The following ACOT11 variants were observed in gnomAD, a reference collection of about 807,000 sequenced individuals.
The protein encoded by ACOT11 is acyl-coenzyme A thioesterase 11.
ACOT11 carries 69 observed loss-of-function variants against 77.5 expected under a neutral mutation model. The observed-to-expected ratio is 0.89, with a 90% CI of 0.73 to 1.09. The LOEUF is 1.09. Ranked by LOEUF, ACOT11 falls within the 50% of genes least tolerant of loss-of-function variation. ACOT11 has a pLI of 0.00. For missense variants in ACOT11, 766 were observed against 813.7 expected, an observed-to-expected ratio of 0.94 and a Z score of 0.71; for synonymous variants, 279 against 313.0, an observed-to-expected ratio of 0.89 and a Z score of 1.15.
At position 54,548,278 on chromosome 1, in the gene ACOT11, G is replaced by C. The variant is rs1179710657; in HGVS notation, c.-32G>C. On this transcript the variant is annotated 5_prime_UTR_variant, in exon 1 of 16. Coordinates refer to ENST00000343744, the MANE Select transcript of ACOT11 (RefSeq NM_147161.4). ...TCAGGTGACCAGCTTGTGTCTCTGG[G>C]AGGGCGCTGCTTTCCCCGGCCACCC... 6.3e-7 allele frequency: 1 copy of C among 1,583,990 alleles called. No individual in the cohort carries two copies. Among genetic ancestry groups the C allele is most frequent in the Admixed American group, 1.8e-5 (1 of 55,516 alleles).
At chr1:54,631,419 T>TA (rs1445082224) in intron 16 of ACOT11, among the ~76,000 whole-genome samples, 1 of 152,138 alleles carries the variant, frequency 6.6e-6, no homozygotes, top group Non-Finnish European at 1.5e-5. Context: ...TAAAGAATGT[T>TA]ACTGTTTCCA....
At chr1:54,555,566 G>T (rs907235618) in intron 1 of ACOT11, among the ~76,000 whole-genome samples, 1 of 152,082 alleles carries the variant, frequency 6.6e-6, no homozygotes, top group African/African-American at 2.4e-5. Context: ...TTGCTGTGCA[G>T]AAGTGTTTTG....
intron 8 of ACOT11, 99 bp from the exon 9 acceptor site, chr1:54,601,160 TGTGTGTGGGC>T (rs1643958413): frequency 1.5e-6 from 2 of 1,332,486 alleles, no homozygotes; most frequent in South Asian, 1.3e-5. Flanking sequence ...TGTGCATGCA[TGTGTGTGGGC>T]GCATGTGTGC....
intron 8 of ACOT11, among the ~76,000 whole-genome samples, chr1:54,599,853 C>T (rs573359654): frequency 1.3e-5 from 2 of 152,370 alleles, no homozygotes; most frequent in South Asian, 4.1e-4. Flanking sequence ...AATTCTGAAA[C>T]CTACTCCCAT....
intron 1 of ACOT11, among the ~76,000 whole-genome samples, chr1:54,566,085 C>T (rs957562340): frequency 6.6e-6 from 1 of 152,186 alleles, no homozygotes; most frequent in Admixed American, 6.5e-5. Flanking sequence ...GCCAGACTCT[C>T]CTGGGGTCCT....
chr1:54,609,220 G>T lies in ACOT11; in HGVS notation c.*108G>T. The T allele has an allele frequency of 6.3e-7, 1 of 1,590,340 alleles. No homozygotes were observed. Among genetic ancestry groups the T allele is most frequent in the South Asian group, 1.1e-5 (1 of 87,006 alleles). On this transcript the variant is annotated 3_prime_UTR_variant, in exon 16 of 16. Transcript: ENST00000343744. Reference sequence around the variant, plus strand: ...GACCTTTATTTCTTCCTGCCTCCCCGTGGGAAGCCTCCGCCCTGAGGTCCG... The same window carrying T: ...GACCTTTATTTCTTCCTGCCTCCCCTTGGGAAGCCTCCGCCCTGAGGTCCG...
At chr1:54,630,101 A>G (rs1644291704) in intron 15 of ACOT11, among the ~76,000 whole-genome samples, 1 of 132,792 alleles carries the variant, frequency 7.5e-6, no homozygotes, top group Admixed American at 7.6e-5. Flanking sequence ...AGGTTTCACC[A>G]TGTTGACCAG....
downstream of ACOT11, chr1:54,610,519 C>T (rs1644106633): frequency 3.1e-6 from 5 of 1,613,508 alleles, no homozygotes; most frequent in Non-Finnish European, 4.2e-6. Flanking sequence ...GATCAGGCTG[C>T]CTCCCGTGTA....
chr1:54,619,762 C>A, intron 15 of ACOT11: 1 of 1,224,792 alleles, frequency 8.2e-7, no homozygotes. Flanking sequence ...ATGTAAACAG[C>A]CATCATGCCA....
intron 2 of ACOT11, among the ~76,000 whole-genome samples, chr1:54,585,583 A>G (rs970467707): frequency 6.6e-5 from 10 of 152,222 alleles, no homozygotes; most frequent in African/African-American, 2.4e-4. Context: ...AAGACAGGCA[A>G]AAATCCTTGT....
intron 3 of ACOT11, among the ~76,000 whole-genome samples, chr1:54,588,122 T>TCAGGTGG (rs1204423394): frequency 6.6e-6 from 1 of 152,006 alleles, no homozygotes; most frequent in Non-Finnish European, 1.5e-5. Context: ...GAGGATCACT[T>TCAGGTGG]GAGCCTGGGA....
intron 1 of ACOT11, among the ~76,000 whole-genome samples, chr1:54,575,210 C>T (rs1440949648): frequency 6.6e-6 from 1 of 152,174 alleles, no homozygotes; most frequent in Non-Finnish European, 1.5e-5. Context: ...TCTCTGAGTG[C>T]GGGATCCCTA....
downstream of ACOT11, chr1:54,614,701 G>GT (rs567209307): frequency 3.9e-4 from 629 of 1,611,856 alleles, 5 homozygotes; most frequent in African/African-American, 7.7e-3. Flanking sequence ...AACACTCACT[G>GT]TGTGGCATTG....
intron 1 of ACOT11, among the ~76,000 whole-genome samples, chr1:54,571,226 C>T (rs1326726971): frequency 1.3e-5 from 2 of 152,146 alleles, no homozygotes; most frequent in African/African-American, 2.4e-5. Context: ...GTCTGAAGCC[C>T]TTGGGCCTTG....
At chr1:54,593,893 G>T (rs1654801855) in intron 4 of ACOT11, 48 bp from the exon 5 acceptor site, 1 of 1,514,002 alleles carries the variant, frequency 6.6e-7, no homozygotes, top group African/African-American at 1.4e-5. Context: ...TCTAACTGGT[G>T]AGTGCAATGT....
At chr1:54,596,981 A>T (rs903239867) in intron 6 of ACOT11, among the ~76,000 whole-genome samples, 2 of 152,136 alleles carry the variant, frequency 1.3e-5, no homozygotes, top group African/African-American at 4.8e-5. Context: ...GCTCAGAGGG[A>T]TTACTTGATT....
chr1:54,585,761 A>C, intron 2 of ACOT11, 74 bp from the exon 3 acceptor site: 1 of 1,519,150 alleles, frequency 6.6e-7, no homozygotes, highest in Admixed American at 1.8e-5. Flanking sequence ...AAGCCTCCTG[A>C]GGAGGTGCCA....
chr1:54,630,546 C>T (rs1185900340), intron 15 of ACOT11, among the ~76,000 whole-genome samples: 1 of 152,178 alleles, frequency 6.6e-6, no homozygotes, highest in Non-Finnish European at 1.5e-5. Context: ...TCGGCACATC[C>T]CTTCGTTTCC....
intron 7 of ACOT11, chr1:54,597,693 C>A: frequency 2.1e-6 from 1 of 469,120 alleles, no homozygotes. Context: ...TATCTATGTT[C>A]CCTTCACATC....
Sources: allele counts gnomAD v4.1 joint callset (sites outside exome capture counted in the v4.1 genomes callset), GRCh38; gene constraint gnomAD v4.1.1; transcripts MANE v1.5; gene names NCBI Gene and HGNC (gene_info 2026-07-23, HGNC 2026-07-21).